The following BHLHE41 variants were observed in gnomAD, a reference collection of about 807,000 sequenced individuals.
The protein encoded by BHLHE41 is basic helix-loop-helix family member e41.
A neutral mutation model predicts 24.0 loss-of-function variants in BHLHE41; 14 were observed. The observed-to-expected ratio is 0.58, with a 90% CI of 0.39 to 0.91. BHLHE41 has a LOEUF of 0.91. BHLHE41 is among the 40% of genes least tolerant of loss of function. BHLHE41 has a pLI of 0.00. For synonymous variants in BHLHE41, 394 were observed against 315.5 expected, an observed-to-expected ratio of 1.25 and a Z score of -2.64; for missense variants, 674 against 655.4, an observed-to-expected ratio of 1.03 and a Z score of -0.31.
chr12:26,122,467 G>T lies in BHLHE41; in HGVS notation c.1048C>A (p.Pro350Thr), dbSNP rs1481241041. The T allele has an allele frequency of 7.4e-7, 1 of 1,351,236 alleles. No individual in the cohort carries two copies. 83.7% of individuals were successfully genotyped at this position (1,351,236 alleles called of 1,614,324 possible). A position where few individuals can be genotyped will look rare whatever the true frequency, so the allele number is the denominator to read the frequency against. ...GCAGAAGGCGAGAGGAAGCAGAAGG[G>T]CAGGCAGAAGGGGGCCGCGGCGGCC... ...PAAAAAPFCL[P>T]FCFLSPSAAA... The change falls in exon 5 of 5, where the codon CCC (proline) becomes ACC (threonine). Residue 350 changes from proline (P) to threonine (T), a missense_variant. By Grantham distance (38) the Pro-to-Thr change is conservative. Coordinates refer to ENST00000242728, the MANE Select transcript of BHLHE41 (RefSeq NM_030762.3).
chr12:26,122,501 C>T lies in BHLHE41; in HGVS notation c.1014G>A (p.Pro338=). 1.5e-6 allele frequency: 2 copies of T among 1,311,512 alleles called. No individual in the cohort carries two copies. The highest frequency in any genetic ancestry group is 1.8e-5 in the South Asian group (1 of 55,690). 81.2% of individuals were successfully genotyped at this position (1,311,512 alleles called of 1,614,324 possible). The part of the protein sequence containing the change: ...AFGGGGGAPF[P]QPAAAAAPFC... ...AGGGGGCCGCGGCGGCCGCGGGCTG[C>T]GGGAAGGGCGCGCCTCCGCCTCCGC... The change falls in exon 5 of 5, where the codon CCG becomes CCA. Residue 338 remains proline (P), a synonymous_variant. Transcript: ENST00000242728.
rs1944309118 is a variant in BHLHE41 at position 26,121,963 on chromosome 12, A to G, written c.*103T>C. The G allele has an allele frequency of 2.6e-6, 4 of 1,538,104 alleles. No individual in the cohort carries two copies. The highest frequency in any genetic ancestry group is 3.5e-6 in the Non-Finnish European group (4 of 1,140,352). ...GTGCATCTATTACACTTCCTCCCTTAAAGACCTTAAGGGTATTTTAACTTC... is the reference window on the plus strand; with the variant it reads ...GTGCATCTATTACACTTCCTCCCTTGAAGACCTTAAGGGTATTTTAACTTC... On this transcript the variant is annotated 3_prime_UTR_variant, in exon 5 of 5. Transcript: ENST00000242728.
chr12:26,123,109 G>A lies in BHLHE41; in HGVS notation c.406C>T (p.Gln136Ter), dbSNP rs561601016. ...SDLDAFHSGF[Q>*]TCAKEVLQYL... ...TGCAAGACTTCTTTGGCGCATGTTT[G>A]AAATCCCGAGTGGAACGCATCCAAG... Residue 136 changes from glutamine (Q) to a stop codon, truncating the protein, a stop_gained, in exon 5 of 5, where the codon CAA becomes TAA. Coordinates refer to ENST00000242728, the MANE Select transcript of BHLHE41 (RefSeq NM_030762.3). LOFTEE classifies it low-confidence loss of function (END_TRUNC). 1 of 1,609,858 alleles carries A rather than the reference G, an allele frequency of 6.2e-7. No individual in the cohort carries two copies. The highest frequency in any genetic ancestry group is 1.7e-5 in the Admixed American group (1 of 59,564).
chr12:26,122,458 A>G lies in BHLHE41; in HGVS notation c.1057T>C (p.Phe353Leu). ...GCGGCAGCTGCAGAAGGCGAGAGGA[A>G]GCAGAAGGGCAGGCAGAAGGGGGCC... Reference protein sequence around the residue: ...AAAPFCLPFCFLSPSAAAAYV... With the variant: ...AAAPFCLPFCLLSPSAAAAYV... The change falls in exon 5 of 5, where the codon TTC (phenylalanine) becomes CTC (leucine). Residue 353 changes from phenylalanine (F) to leucine (L), a missense_variant. Phe to Leu is a conservative substitution (Grantham distance 22, BLOSUM62 0). Coordinates refer to ENST00000242728, the MANE Select transcript of BHLHE41 (RefSeq NM_030762.3). 7.4e-7 allele frequency: 1 copy of G among 1,355,308 alleles called. No homozygotes were observed. The highest frequency in any genetic ancestry group is 9.6e-7 in the Non-Finnish European group (1 of 1,044,044). 84.0% of individuals were successfully genotyped at this position (1,355,308 alleles called of 1,614,324 possible).
rs1431345468 is a variant in BHLHE41, at chr12:26,121,855, G to C, written c.*211C>G. 8.2e-7 allele frequency: 1 copy of C among 1,220,984 alleles called. No individual in the cohort carries two copies. The highest frequency in any genetic ancestry group is 1.1e-6 in the Non-Finnish European group (1 of 893,504). The allele number at this position is 1,220,984 out of a possible 1,614,324, so 75.6% of individuals were successfully genotyped here. On this transcript the variant is annotated 3_prime_UTR_variant, in exon 5 of 5. Transcript: ENST00000242728. ...GAAGAAAGGGATGTTAGTGTGTGGA[G>C]GGTGGGGTGGTGCGGGATGAGCAAA...
In BHLHE41 at chr12:26,122,054, G is replaced by C; in HGVS notation, c.*12C>G. On this transcript the variant is annotated 3_prime_UTR_variant, in exon 5 of 5. Transcript: ENST00000242728. Reference sequence around the variant, plus strand: ...ACTCTGCTTGAACCTCCGTCCTTCGGGACGCAAGGATTCAGGGAGCTTCCT... The same window carrying C: ...ACTCTGCTTGAACCTCCGTCCTTCGCGACGCAAGGATTCAGGGAGCTTCCT... The C allele has an allele frequency of 6.5e-7, 1 of 1,549,294 alleles. No individual in the cohort carries two copies. The highest frequency in any genetic ancestry group is 8.7e-7 in the Non-Finnish European group (1 of 1,146,324).
At position 26,122,552 on chromosome 12, in the gene BHLHE41, G is replaced by C. The variant is rs1451625335; in HGVS notation, c.963C>G (p.Ala321=). ...CGAACGCCACCAGCGAGCTGAGCAGGGCGGCGTCGGGTCTCAGCAGCGCGG... is the reference window on the plus strand; with the variant it reads ...CGAACGCCACCAGCGAGCTGAGCAGCGCGGCGTCGGGTCTCAGCAGCGCGG... ...AAAALLRPDA[A]LLSSLVAFGG... is the part of the protein sequence containing the mutation. Residue 321 remains alanine, a synonymous_variant, in exon 5 of 5, where the codon GCC becomes GCG. Transcript: ENST00000242728. 2 of 1,200,916 alleles carry C rather than the reference G, an allele frequency of 1.7e-6. No homozygotes were observed. Among genetic ancestry groups the C allele is most frequent in the Non-Finnish European group, 2.1e-6 (2 of 962,900 alleles). 74.4% of individuals were successfully genotyped at this position (1,200,916 alleles called of 1,614,324 possible). A position where few individuals can be genotyped will look rare whatever the true frequency, so the allele number is the denominator to read the frequency against.
intron 4 of BHLHE41, among the ~76,000 whole-genome samples, 165 bp from the exon 5 acceptor site, chr12:26,123,333 G>C (rs139492842): frequency 6.6e-6 from 1 of 152,152 alleles, no homozygotes; most frequent in African/African-American, 2.4e-5. Context: ...CGAGAGAAGC[G>C]GGGTGGCGGA....
intron 2 of BHLHE41, 75 bp from the exon 3 acceptor site, chr12:26,124,254 C>CACT: frequency 2.0e-6 from 1 of 496,990 alleles, no homozygotes; most frequent in Non-Finnish European, 3.5e-6. Context: ...CCCTCGTCTG[C>CACT]CCCCCCCGCC....
chr12:26,124,139 CT>C lies in BHLHE41; in HGVS notation c.166del (p.Arg56GlufsTer12). ...AATGCATTCATTAATTCGGTCTCTT[CT>C]TTTCTTTTCTATTAATCTGTGCGGT... ...KLPHRLIEKK[R>X]RDRINECIAQ... On this transcript the variant is annotated frameshift_variant, in exon 3 of 5. Transcript: ENST00000242728. LOFTEE classifies it high-confidence loss of function. The C allele has an allele frequency of 6.2e-7, 1 of 1,612,492 alleles. No individual in the cohort carries two copies. The highest frequency in any genetic ancestry group is 8.5e-7 in the Non-Finnish European group (1 of 1,178,654).
Position 26,124,195 on chromosome 12 carries a change from T to C in BHLHE41, c.127-16A>G. Reference sequence around the variant, plus strand: ...TGTAGGTATCCTTAATATATGAGAGTCATGGAAAAGAGAAAACAGTAAGCG... The same window carrying C: ...TGTAGGTATCCTTAATATATGAGAGCCATGGAAAAGAGAAAACAGTAAGCG... On this transcript the variant is annotated splice_polypyrimidine_tract_variant and intron_variant, in intron 2 of 4. Transcript: ENST00000242728. 6.6e-7 allele frequency: 1 copy of C among 1,517,080 alleles called. No individual in the cohort carries two copies. Among genetic ancestry groups the C allele is most frequent in the East Asian group, 2.3e-5 (1 of 44,434 alleles). 94.0% of individuals were successfully genotyped at this position (1,517,080 alleles called of 1,614,324 possible). A position where few individuals can be genotyped will look rare whatever the true frequency, so the allele number is the denominator to read the frequency against.
rs1944340275 is a variant in BHLHE41, at chr12:26,124,093, C to G, written c.213G>C (p.Leu71=). 1 of 1,609,388 alleles carries G rather than the reference C, an allele frequency of 6.2e-7. No individual in the cohort carries two copies. The highest frequency in any genetic ancestry group is 8.5e-7 in the Non-Finnish European group (1 of 1,175,710). ...TTACTGTCAATTTCAGATGTTCAGG[C>G]AGTAAATCTTTCAGCTGAGCAATGC... The part of the protein sequence containing the change: ...NECIAQLKDL[L]PEHLKLTTLG... The change falls in exon 3 of 5, where the codon CTG becomes CTC. Residue 71 remains leucine, a synonymous_variant. Transcript: ENST00000242728.
In BHLHE41 at chr12:26,123,627, T is replaced by C; in HGVS notation, c.346+3A>G. 3 of 1,608,948 alleles carry C rather than the reference T, an allele frequency of 1.9e-6. No individual in the cohort carries two copies. Among genetic ancestry groups the C allele is most frequent in the African/African-American group, 1.3e-5 (1 of 74,910 alleles). ...GTAGGCTGGCCTCCCTGAACTGACT[T>C]ACCATTCTGTAAAGCAATTATCTTC... On this transcript the variant is annotated splice_donor_region_variant and intron_variant, in intron 4 of 4. Transcript: ENST00000242728.
chr12:26,123,587 C>T (rs1256783103), intron 4 of BHLHE41, 43 bp downstream of exon 4: 3 of 1,409,066 alleles, frequency 2.1e-6, no homozygotes, highest in African/African-American at 2.8e-5. Flanking sequence ...CTGTGGGCTG[C>T]CCCGCTTCAT....
rs918865287 is a variant in BHLHE41 at position 26,122,937 on chromosome 12, G to A, written c.578C>T (p.Pro193Leu). 1.3e-6 allele frequency: 2 copies of A among 1,552,946 alleles called. No homozygotes were observed. The change falls in exon 5 of 5, where the codon CCC (proline) becomes CTC (leucine). Residue 193 changes from proline (P) to leucine (L), a missense_variant. Coordinates refer to ENST00000242728, the MANE Select transcript of BHLHE41 (RefSeq NM_030762.3). ...QVPLSKGTGA[P>L]SAAGSAAAPC... ...GGCGGCCGCGGACCCGGCGGCCGAGGGAGCGCCGGTGCCTTTGCTCAGAGG... is the reference window on the plus strand; with the variant it reads ...GGCGGCCGCGGACCCGGCGGCCGAGAGAGCGCCGGTGCCTTTGCTCAGAGG...
Position 26,124,958 on chromosome 12 carries a change from G to GCA in BHLHE41, c.-181_-180dup, listed in dbSNP as rs778562866. 20 of 690,516 alleles carry GCA rather than the reference G, an allele frequency of 2.9e-5. No homozygotes were observed. The highest frequency in any genetic ancestry group is 1.7e-4 in the South Asian group (11 of 63,902). The allele number at this position is 690,516 out of a possible 1,614,324, so 42.8% of individuals were successfully genotyped here. ...TTGGTCCCCCCCCTCCACCGCGCTC[G>GCA]CACACACACACGCACACACACGCAC... On this transcript the variant is annotated 5_prime_UTR_variant, in exon 1 of 5. Transcript: ENST00000242728.
Position 26,122,541 on chromosome 12 carries a change from G to C in BHLHE41, c.974C>G (p.Ser325Trp). The C allele has an allele frequency of 8.0e-7, 1 of 1,255,108 alleles. No homozygotes were observed. The highest frequency in any genetic ancestry group is 3.8e-5 in the East Asian group (1 of 25,998). The allele number at this position is 1,255,108 out of a possible 1,614,324, so 77.7% of individuals were successfully genotyped here. ...TCCGCCTCCGCCGAACGCCACCAGC[G>C]AGCTGAGCAGGGCGGCGTCGGGTCT... is the stretch of plus-strand genomic sequence containing the variant. ...LLRPDAALLS[S>W]LVAFGGGGGA... The change falls in exon 5 of 5, where the codon TCG becomes TGG. Residue 325 changes from serine (S) to tryptophan (W), a missense_variant. This residue lies in a region of BHLHE41 where 602 missense variants were observed against 570.8 expected (regional missense o/e 1.05). Coordinates refer to ENST00000242728, the MANE Select transcript of BHLHE41 (RefSeq NM_030762.3).
In BHLHE41 at chr12:26,121,265, T is replaced by A. The variant is rs914084600; in HGVS notation, c.*801A>T. 1 of 152,624 alleles carries A rather than the reference T, an allele frequency of 6.6e-6. No homozygotes were observed. The highest frequency in any genetic ancestry group is 1.5e-5 in the Non-Finnish European group (1 of 68,046). The allele number at this position is 152,624 out of a possible 1,614,324, so 9.5% of individuals were successfully genotyped here. A position where few individuals can be genotyped will look rare whatever the true frequency, so the allele number is the denominator to read the frequency against. On this transcript the variant is annotated 3_prime_UTR_variant, in exon 5 of 5. Transcript: ENST00000242728. ...GAAGAAATTAAGATGAGTCCATTAA[T>A]TCATGGTCAATTTCTCAATAAAGTG...
At chr12:26,124,388 G>A (rs1328843523) in intron 2 of BHLHE41, 131 bp downstream of exon 2, 2 of 1,032,514 alleles carry the variant, frequency 1.9e-6, no homozygotes, top group African/African-American at 1.6e-5. Context: ...TACCCAGCAA[G>A]CCACTTAAAA....
Sources: allele counts gnomAD v4.1 joint callset (sites outside exome capture counted in the v4.1 genomes callset), GRCh38; gene constraint gnomAD v4.1.1; regional missense constraint gnomAD v4.1.1; transcripts MANE v1.5; gene names NCBI Gene and HGNC (gene_info 2026-07-23, HGNC 2026-07-21).